Variants in LNPK observed in about 807,000 individuals in gnomAD.
The protein encoded by LNPK is lunapark, ER junction formation factor.
Under a neutral mutation model 55.2 loss-of-function variants are expected in LNPK, and 29 were observed. The ratio of observed to expected loss-of-function variants is 0.53; its 90% CI spans 0.39 to 0.72. The LOEUF is 0.72. Among genes scored for constraint, LNPK ranks in the 30% least tolerant of loss-of-function variants. The pLI is 0.00. For missense variants in LNPK, 467 were observed against 494.8 expected (o/e 0.94, Z 0.53); for synonymous variants, 162 against 168.2 (o/e 0.96, Z 0.29).
intron 8 of LNPK, among the ~76,000 whole-genome samples, chr2:175,963,487 T>C (rs533795365): frequency 2.6e-5 from 4 of 152,092 alleles, no homozygotes; most frequent in Non-Finnish European, 2.9e-5. Context: ...TTCTCACTCA[T>C]AGATGGGAAT....
At chr2:175,980,151 A>G (rs1230606894) in intron 4 of LNPK, among the ~76,000 whole-genome samples, 1 of 152,202 alleles carries the variant, frequency 6.6e-6, no homozygotes, top group Non-Finnish European at 1.5e-5. Context: ...CATTGCTTTC[A>G]TCAGCCTGAA....
chr2:175,928,223 T>A lies in LNPK; in HGVS notation c.*1744A>T, dbSNP rs564966461. 5.9e-5 allele frequency: 9 copies of A among 152,308 alleles called. No homozygotes were observed. The South Asian group carries it at 1.2e-3, about 21-fold the overall frequency. The allele number at this position is 152,308 out of a possible 1,614,324, so 9.4% of individuals were successfully genotyped here. On this transcript the variant is annotated 3_prime_UTR_variant, in exon 13 of 13. Transcript: ENST00000272748. ...TTCGTATTATTTTTTACTTTCCTCA[T>A]CTGCAAGAGGAAAAACTTATGGTCC...
intron 12 of LNPK, 66 bp from the exon 13 acceptor site, chr2:175,930,265 A>T: frequency 9.6e-7 from 1 of 1,046,182 alleles, no homozygotes; most frequent in Non-Finnish European, 1.4e-6. Flanking sequence ...TAAGGCAAGC[A>T]AAAAAGATAA....
At chr2:176,001,635 A>G (rs1688163353) in intron 1 of LNPK, among the ~76,000 whole-genome samples, 1 of 152,140 alleles carries the variant, frequency 6.6e-6, no homozygotes, top group Non-Finnish European at 1.5e-5. Context: ...CACACGCTAG[A>G]GCCCGGCAGC....
intron 12 of LNPK, among the ~76,000 whole-genome samples, chr2:175,935,978 G>A (rs1684526925): frequency 6.6e-6 from 1 of 152,030 alleles, no homozygotes; most frequent in African/African-American, 2.4e-5. Flanking sequence ...TATAAGCAGG[G>A]CTAGTCATGG....
At chr2:175,949,099 T>C (rs1685281018) in intron 8 of LNPK, among the ~76,000 whole-genome samples, 1 of 152,178 alleles carries the variant, frequency 6.6e-6, no homozygotes, top group Non-Finnish European at 1.5e-5. Flanking sequence ...CTAAAATTAC[T>C]GGGATCAACT....
chr2:175,937,571 T>G, intron 11 of LNPK, 57 bp from the exon 12 acceptor site: 1 of 1,251,788 alleles, frequency 8.0e-7, no homozygotes, highest in Non-Finnish European at 1.1e-6. Flanking sequence ...GTTCAAGAAC[T>G]AATTAGTTAA....
At chr2:175,977,377 T>C (rs545154703) in intron 5 of LNPK, among the ~76,000 whole-genome samples, 10 of 152,198 alleles carry the variant, frequency 6.6e-5, no homozygotes, top group African/African-American at 2.2e-4. Flanking sequence ...AGATACCATA[T>C]TGAACAGTAG....
At chr2:175,973,522 G>C (rs1324016602) in intron 5 of LNPK, among the ~76,000 whole-genome samples, 1 of 152,142 alleles carries the variant, frequency 6.6e-6, no homozygotes, top group African/African-American at 2.4e-5. Flanking sequence ...TGTACAATTT[G>C]TACAACTAAG....
Position 176,002,260 on chromosome 2 carries a change from A to T in LNPK, c.-163T>A, listed in dbSNP as rs572272706. On this transcript the variant is annotated 5_prime_UTR_variant, in exon 1 of 13. Coordinates refer to ENST00000272748, the MANE Select transcript of LNPK (RefSeq NM_030650.3). ...AGAGCAGGCAGCAGCCGCCACTGAC[A>T]GAGAGACAAGCCGGGCCAACTCCTT... 4.4e-6 allele frequency: 2 copies of T among 449,770 alleles called. No individual in the cohort carries two copies. The highest frequency in any genetic ancestry group is 8.9e-6 in the Non-Finnish European group (2 of 224,974). 27.9% of individuals were successfully genotyped at this position (449,770 alleles called of 1,614,324 possible). A position where few individuals can be genotyped will look rare whatever the true frequency, so the allele number is the denominator to read the frequency against.
chr2:175,962,317 C>T (rs1686080071), intron 8 of LNPK, among the ~76,000 whole-genome samples: 1 of 152,166 alleles, frequency 6.6e-6, no homozygotes, highest in African/African-American at 2.4e-5. Context: ...TACAAGGCTA[C>T]AGTAACCAAA....
At chr2:175,940,778 TAA>T (rs1317602759) in intron 9 of LNPK, among the ~76,000 whole-genome samples, 1 of 152,176 alleles carries the variant, frequency 6.6e-6, no homozygotes, top group African/African-American at 2.4e-5. Context: ...TTTGAGAATC[TAA>T]AGATTCAGTA....
intron 4 of LNPK, among the ~76,000 whole-genome samples, chr2:175,985,992 T>C (rs1466097411): frequency 2.6e-5 from 4 of 152,184 alleles, no homozygotes. Flanking sequence ...TTACTGTTAA[T>C]CTATAATTTT....
At chr2:175,939,425 C>A (rs142829622) in intron 10 of LNPK, 127 bp downstream of exon 10, 205 of 444,642 alleles carry the variant, frequency 4.6e-4, no homozygotes, top group African/African-American at 3.5e-3. Flanking sequence ...TTTTGCAGGG[C>A]TATAAAATAC....
intron 9 of LNPK, chr2:175,939,887 T>C (rs1684736534): frequency 5.5e-6 from 2 of 365,690 alleles, no homozygotes; most frequent in Non-Finnish European, 9.7e-6. Context: ...TGCTAGTAGA[T>C]TCTGTAGTAG....
At chr2:175,960,463 G>C (rs897807973) in intron 8 of LNPK, among the ~76,000 whole-genome samples, 1 of 151,966 alleles carries the variant, frequency 6.6e-6, no homozygotes, top group African/African-American at 2.4e-5. Context: ...ATGACTACTA[G>C]GTAAATAACA....
chr2:175,944,936 G>GT (rs368639578), intron 9 of LNPK, among the ~76,000 whole-genome samples: 1,688 of 146,364 alleles, frequency 0.012, 14 homozygotes, highest in Admixed American at 0.021. Context: ...AGTACACTTT[G>GT]TTTTTTTTTT....
At chr2:175,984,996 T>C (rs1477165619) in intron 4 of LNPK, among the ~76,000 whole-genome samples, 2 of 152,216 alleles carry the variant, frequency 1.3e-5, no homozygotes, top group Non-Finnish European at 1.5e-5. Flanking sequence ...CTATGATACA[T>C]TAATACCATG....
intron 12 of LNPK, among the ~76,000 whole-genome samples, chr2:175,932,580 T>G (rs1395437471): frequency 6.6e-6 from 1 of 152,182 alleles, no homozygotes; most frequent in Non-Finnish European, 1.5e-5. Context: ...TGACATGACA[T>G]CTACAATGTA....
Sources: allele counts gnomAD v4.1 joint callset (sites outside exome capture counted in the v4.1 genomes callset), GRCh38; gene constraint gnomAD v4.1.1; transcripts MANE v1.5; gene names NCBI Gene and HGNC (gene_info 2026-07-23, HGNC 2026-07-21).